MCTP1: variants seen among roughly 807,000 people sequenced by gnomAD.
MCTP1 encodes multiple C2 and transmembrane domain containing 1, also known as multiple C2 and transmembrane domain-containing protein 1.
A neutral mutation model predicts 120.6 loss-of-function variants in MCTP1; 69 were observed. The ratio of observed to expected loss-of-function variants is 0.57; its 90% confidence interval spans 0.47 to 0.70. The LOEUF (loss-of-function observed/expected upper bound fraction) is 0.70, where lower values mean the gene tolerates loss of function less well. Among genes scored for constraint, MCTP1 ranks in the 30% least tolerant of loss-of-function variants. The pLI is 0.00. For synonymous variants in MCTP1, 529 were observed against 493.1 expected, an observed-to-expected ratio of 1.07 and a Z score of -0.96; for missense variants, 1,203 against 1,248.8, an observed-to-expected ratio of 0.96 and a Z score of 0.55.
At chr5:94,825,751 A>C (rs1156409408) in intron 17 of MCTP1, among the ~76,000 whole-genome samples, 1 of 151,234 alleles carries the variant, frequency 6.6e-6, no homozygotes, top group Non-Finnish European at 1.5e-5. Flanking sequence ...ATATATATAC[A>C]TACATACATA....
intron 17 of MCTP1, among the ~76,000 whole-genome samples, chr5:94,841,825 T>C (rs1267340609): frequency 6.6e-6 from 1 of 152,152 alleles, no homozygotes; most frequent in African/African-American, 2.4e-5. Context: ...GGCATTAAAT[T>C]TGCATACAGC....
At chr5:94,873,701 C>T (rs27001) in intron 12 of MCTP1, among the ~76,000 whole-genome samples, 116,355 of 151,700 alleles carry the variant, frequency 0.77, 45,910 homozygotes, top group African/African-American at 0.87. Context: ...CAAATTTATT[C>T]AGGAAAAACT....
chr5:95,212,055 T>C (rs192031732), intron 1 of MCTP1, among the ~76,000 whole-genome samples: 123 of 152,152 alleles, frequency 8.1e-4, no homozygotes, highest in African/African-American at 2.8e-3. Context: ...AAAAAACCCT[T>C]CAAAAAATTA....
chr5:94,811,680 G>T (rs1476608214), intron 17 of MCTP1, among the ~76,000 whole-genome samples: 2 of 152,172 alleles, frequency 1.3e-5, no homozygotes, highest in African/African-American at 2.4e-5. Flanking sequence ...GTTGATGCCC[G>T]ATGGCTCAAA....
intron 1 of MCTP1, among the ~76,000 whole-genome samples, chr5:95,184,677 G>C (rs10073182): frequency 0.19 from 28,294 of 152,036 alleles, 2,762 homozygotes; most frequent in Non-Finnish European, 0.22. Context: ...TACAGTTTAG[G>C]GGTCATGCAG....
chr5:95,054,855 A>T (rs1005228646), intron 1 of MCTP1, among the ~76,000 whole-genome samples: 2 of 152,130 alleles, frequency 1.3e-5, no homozygotes, highest in African/African-American at 4.8e-5. Context: ...GCTGGAGTGC[A>T]GTGGTGCAAT....
intron 19 of MCTP1, among the ~76,000 whole-genome samples, chr5:94,721,887 GA>G (rs772197218): frequency 0.015 from 1,899 of 125,788 alleles, 25 homozygotes; most frequent in African/African-American, 0.038. Flanking sequence ...TTTTGAAGGT[GA>G]AAAAAAAAAA....
intron 1 of MCTP1, among the ~76,000 whole-genome samples, chr5:95,046,593 C>T (rs188563065): frequency 6.6e-6 from 1 of 152,112 alleles, no homozygotes; most frequent in Non-Finnish European, 1.5e-5. Context: ...CCATTTTCAC[C>T]TTTCAACATC....
chr5:95,145,318 G>A (rs1442987951), intron 1 of MCTP1, among the ~76,000 whole-genome samples: 1 of 152,046 alleles, frequency 6.6e-6, no homozygotes, highest in East Asian at 1.9e-4. Flanking sequence ...GGGTTTTCTA[G>A]GTATAGAATT....
chr5:95,215,721 A>G (rs1752969224), intron 1 of MCTP1, among the ~76,000 whole-genome samples: 1 of 152,132 alleles, frequency 6.6e-6, no homozygotes, highest in Non-Finnish European at 1.5e-5. Context: ...TAACCATAAG[A>G]AGGCCACAAA....
Position 94,933,425 on chromosome 5 carries a change from T to C in MCTP1, c.1174-1434A>G, listed in dbSNP as rs1427264692. Among the ~76,000 whole-genome samples, 5 of 151,652 alleles carry C rather than the reference T, an allele frequency of 3.3e-5. No individual in the cohort carries two copies. The East Asian group carries it at 9.7e-4, about 29-fold the overall frequency. On this transcript the variant is annotated intron_variant, in intron 5 of 22. Transcript: ENST00000515393. The stretch of plus-strand genomic sequence containing the variant: ...ACCACCACCATCACTTCCTCCATCA[T>C]CACCAAAAGGCAACTGGAAACCAAA...
At chr5:95,184,176 G>T (rs1748939244) in intron 1 of MCTP1, among the ~76,000 whole-genome samples, 1 of 151,996 alleles carries the variant, frequency 6.6e-6, no homozygotes. Flanking sequence ...AAAAAAAGGA[G>T]TTTGGCACTT....
At chr5:94,749,381 G>A (rs1024984738) in intron 19 of MCTP1, among the ~76,000 whole-genome samples, 9 of 152,176 alleles carry the variant, frequency 5.9e-5, no homozygotes, top group South Asian at 2.1e-4. Context: ...TCGGCCAGCT[G>A]TGGTGGCTCA....
rs143270679 is a variant in MCTP1, at chr5:95,232,514, A to G, written c.720+51342T>C. On this transcript the variant is annotated intron_variant, in intron 1 of 22. Transcript: ENST00000515393. ...CCCTCTGTCGCCCAGGCTGGAATGC[A>G]GTGGCCCCATCTTGGCTCACTGCAA... 1.3e-3 allele frequency among the ~76,000 whole-genome samples: 187 copies of G among 147,916 alleles called. 1 individual carries two copies. The highest frequency in any genetic ancestry group is 4.3e-3 in the African/African-American group (171 of 39,866).
chr5:95,247,033 G>C (rs1756872103), intron 1 of MCTP1, among the ~76,000 whole-genome samples: 1 of 151,968 alleles, frequency 6.6e-6, no homozygotes, highest in Non-Finnish European at 1.5e-5. Flanking sequence ...GACTTTTTTT[G>C]GTTGGTAAGC....
At chr5:95,086,901 A>C (rs1755482241) in intron 1 of MCTP1, among the ~76,000 whole-genome samples, 1 of 152,334 alleles carries the variant, frequency 6.6e-6, no homozygotes, top group Admixed American at 6.5e-5. Flanking sequence ...CTTGTTCCTT[A>C]AAGAAACCTC....
intron 18 of MCTP1, among the ~76,000 whole-genome samples, chr5:94,779,736 C>T (rs186327967): frequency 6.6e-6 from 1 of 152,068 alleles, no homozygotes; most frequent in Admixed American, 6.5e-5. Context: ...CATTTTAATT[C>T]TCTGTGATTT....
intron 2 of MCTP1, among the ~76,000 whole-genome samples, chr5:95,013,006 G>T (rs1306808924): frequency 6.6e-6 from 1 of 152,158 alleles, no homozygotes; most frequent in Non-Finnish European, 1.5e-5. Flanking sequence ...AGTTATGAAT[G>T]CAAAGGAAAA....
intron 17 of MCTP1, among the ~76,000 whole-genome samples, chr5:94,863,230 T>C (rs1796150306): frequency 6.6e-6 from 1 of 151,842 alleles, no homozygotes; most frequent in Non-Finnish European, 1.5e-5. Flanking sequence ...TCATTTTGGC[T>C]TTGTACTTGT....
Sources: gnomAD v4.1 joint callset for allele counts (sites outside exome capture counted in the v4.1 genomes callset) on GRCh38, gnomAD v4.1.1 for gene constraint, MANE v1.5 for transcripts, NCBI Gene and HGNC (gene_info 2026-07-23, HGNC 2026-07-21) for gene names.